Variants in MYH16 observed in about 807,000 individuals in gnomAD.
MYH16 encodes myosin heavy chain 16.
intron 32 of MYH16, 26 bp downstream of exon 13, chr7:99,292,534 A>C: frequency 2.2e-6 from 1 of 454,346 alleles, no homozygotes; most frequent in South Asian, 1.5e-5. Context: ...CTGTTGAGAG[A>C]GCCAGGTGGG....
At chr7:99,240,290 A>G (rs966944652) in intron 1 of MYH16, among the ~76,000 whole-genome samples, 2 of 152,130 alleles carry the variant, frequency 1.3e-5, no homozygotes, top group Admixed American at 6.6e-5. Flanking sequence ...TCTGGCTCAT[A>G]TGCCCATGCC....
chr7:99,299,941 T>G (rs1010567151), intron 37 of MYH16, among the ~76,000 whole-genome samples: 9 of 147,112 alleles, frequency 6.1e-5, no homozygotes, highest in African/African-American at 2.2e-4. Context: ...ATTTATTTAT[T>G]TATTTATTTA....
At chr7:99,239,991 T>G (rs1417687414) in intron 1 of MYH16, among the ~76,000 whole-genome samples, 1 of 150,996 alleles carries the variant, frequency 6.6e-6, no homozygotes, top group Non-Finnish European at 1.5e-5. Flanking sequence ...GAGACTGTCC[T>G]GGGCAACTTG....
intron 13 of MYH16, among the ~76,000 whole-genome samples, chr7:99,262,534 G>A (rs557386967): frequency 5.2e-4 from 79 of 152,334 alleles, no homozygotes; most frequent in Non-Finnish European, 9.8e-4. Context: ...TGGCACCTGT[G>A]CATTTCCAAG....
rs182608295 is a variant in MYH16, at chr7:99,260,335, G to A, written n.1575+1G>A. The A allele has an allele frequency of 2.8e-5, 36 of 1,291,802 alleles. No homozygotes were observed. In the African/African-American group the frequency reaches 5.2e-4, roughly 19 times the overall value. The allele number at this position is 1,291,802 out of a possible 1,614,324, so 80.0% of individuals were successfully genotyped here. A position where few individuals can be genotyped will look rare whatever the true frequency, so the allele number is the denominator to read the frequency against. On this transcript the variant is annotated splice_donor_variant and non_coding_transcript_variant, in intron 12 of 41. Transcript: ENST00000439784. ...GGCCTGCATCGACCTGCTGGAAAAG[G>A]TGACTTGCTTCTCAAAGGAGGGATT...
In MYH16 at chr7:99,283,562, CAG is replaced by C. The variant is rs1468518576; in HGVS notation, n.2993-1_2993del. 3 of 455,834 alleles carry C rather than the reference CAG, an allele frequency of 6.6e-6. No homozygotes were observed. Among genetic ancestry groups the C allele is most frequent in the African/African-American group, 6.0e-5 (3 of 50,052 alleles). The allele number at this position is 455,834 out of a possible 1,614,324, so 28.2% of individuals were successfully genotyped here. A position where few individuals can be genotyped will look rare whatever the true frequency, so the allele number is the denominator to read the frequency against. Reference sequence around the variant, plus strand: ...GCACTCACGTGTGTATCTGTCCTTCCAGAAAACCCTGGACGACCTACAGGCTG... The same window carrying C: ...GCACTCACGTGTGTATCTGTCCTTCCAAAACCCTGGACGACCTACAGGCTG... On this transcript the variant is annotated splice_acceptor_variant and non_coding_transcript_variant, in intron 23 of 41. Transcript: ENST00000439784.
intron 20 of MYH16, 95 bp downstream of exon 2, chr7:99,273,518 G>C: frequency 2.3e-6 from 1 of 432,858 alleles, no homozygotes; most frequent in Non-Finnish European, 4.6e-6. Context: ...GGGAGTGAGA[G>C]GCTGCAAGAA....
At chr7:99,250,571 T>C (rs1791797909) in intron 5 of MYH16, among the ~76,000 whole-genome samples, 1 of 152,018 alleles carries the variant, frequency 6.6e-6, no homozygotes, top group African/African-American at 2.4e-5. Flanking sequence ...CAAGACACCA[T>C]CTCTACAAAA....
rs1791671875 is a variant in MYH16, at chr7:99,241,906, G to T, written n.211-1372G>T. On this transcript the variant is annotated intron_variant and non_coding_transcript_variant, in intron 1 of 41. Transcript: ENST00000439784. ...TGTTTTGTCTTGCACTATCACCCAG[G>T]CTGGAGTGCAGCGGCATGATCTCCG... Among the ~76,000 whole-genome samples the T allele has an allele frequency of 3.3e-5, 5 of 151,744 alleles. No homozygotes were observed. The South Asian group carries it at 1.0e-3, about 32-fold the overall frequency.
chr7:99,245,738 C>T (rs1230686313), intron 2 of MYH16, among the ~76,000 whole-genome samples: 6 of 152,052 alleles, frequency 3.9e-5, no homozygotes, highest in Non-Finnish European at 7.4e-5. Flanking sequence ...ATGTTGGTCA[C>T]GCTGGTCTCG....
chr7:99,260,700 G>A (rs1469640695), intron 12 of MYH16: 2 of 184,756 alleles, frequency 1.1e-5, no homozygotes, highest in Non-Finnish European at 2.3e-5. Flanking sequence ...GCAGAGTCAC[G>A]CTCTGACCCA....
intron 2 of MYH16, among the ~76,000 whole-genome samples, chr7:99,245,708 A>G (rs1339245656): frequency 6.6e-6 from 1 of 151,968 alleles, no homozygotes; most frequent in Admixed American, 6.6e-5. Flanking sequence ...TTGTATTTTT[A>G]GTAGAGACAG....
downstream of MYH16, among the ~76,000 whole-genome samples, chr7:99,308,354 G>T (rs2150842148): frequency 6.6e-6 from 1 of 151,232 alleles, no homozygotes; most frequent in South Asian, 2.1e-4. Context: ...TGATCCCCGG[G>T]GAGTAGCCAC....
intron 30 of MYH16, among the ~76,000 whole-genome samples, chr7:99,290,549 C>T (rs1026493031): frequency 2.7e-5 from 4 of 150,782 alleles, no homozygotes; most frequent in African/African-American, 9.8e-5. Flanking sequence ...CCTGTAATCC[C>T]AGCACTTTGG....
intron 37 of MYH16, 61 bp from the exon 19 acceptor site, chr7:99,301,540 A>AC: frequency 6.6e-6 from 1 of 152,646 alleles, no homozygotes; most frequent in Non-Finnish European, 1.5e-5. Context: ...ACGCCTGGCC[A>AC]CCCCCAAGGT....
Position 99,283,753 on chromosome 7 carries a change from C to G in MYH16, n.3079+102C>G. 4.5e-6 allele frequency: 2 copies of G among 440,702 alleles called. 1 individual carries two copies. Among genetic ancestry groups the G allele is most frequent in the South Asian group, 3.2e-5 (2 of 61,800 alleles). 27.3% of individuals were successfully genotyped at this position (440,702 alleles called of 1,614,324 possible). A position where few individuals can be genotyped will look rare whatever the true frequency, so the allele number is the denominator to read the frequency against. On this transcript the variant is annotated intron_variant and non_coding_transcript_variant, in intron 24 of 41. Coordinates refer to ENST00000439784, the Ensembl canonical transcript of MYH16. ...TTTGAGAACTGGACCAACACATCCC[C>G]CGGGGCGTGAGGGCCCTTCTGATGC... is the stretch of plus-strand genomic sequence containing the variant.
intron 19 of MYH16, among the ~76,000 whole-genome samples, chr7:99,273,005 T>A (rs918241260): frequency 6.6e-6 from 1 of 152,138 alleles, no homozygotes; most frequent in Admixed American, 6.6e-5. Flanking sequence ...CCAGCAACTT[T>A]GCAGATCCAT....
intron 18 of MYH16, among the ~76,000 whole-genome samples, chr7:99,270,147 G>C (rs1792030930): frequency 6.6e-6 from 1 of 151,754 alleles, no homozygotes; most frequent in African/African-American, 2.4e-5. Flanking sequence ...TTACAGGTGT[G>C]AGCCATCGTG....
chr7:99,299,940 T>C (rs1465312694), intron 37 of MYH16, among the ~76,000 whole-genome samples: 3 of 122,186 alleles, frequency 2.5e-5, no homozygotes, highest in Non-Finnish European at 4.9e-5. Context: ...TATTTATTTA[T>C]TTATTTATTT....
Sources: allele counts gnomAD v4.1 joint callset (sites outside exome capture counted in the v4.1 genomes callset), GRCh38; gene constraint gnomAD v4.1.1; transcripts MANE v1.5; gene names NCBI Gene and HGNC (gene_info 2026-07-23, HGNC 2026-07-21).